The following ZRANB3 variants were observed in gnomAD, a reference collection of about 807,000 sequenced individuals.
ZRANB3 encodes the protein zinc finger RANBP2-type containing 3, also known as DNA annealing helicase and endonuclease ZRANB3.
In ZRANB3, 125 loss-of-function variants were observed where a neutral mutation model predicts 133.8. That is an observed-to-expected ratio of 0.93 (90% CI 0.81 to 1.08). The LOEUF is 1.08. Among genes scored for constraint, ZRANB3 ranks in the 50% least tolerant of loss-of-function variants. ZRANB3 has a pLI of 0.00. For synonymous variants in ZRANB3, 387 were observed against 432.7 expected (o/e 0.89, Z 1.31); for missense variants, 1,229 against 1,275.5 (o/e 0.96, Z 0.56).
At chr2:135,422,929 T>C (rs1026218502) in intron 2 of ZRANB3, among the ~76,000 whole-genome samples, 1 of 152,178 alleles carries the variant, frequency 6.6e-6, no homozygotes, top group Admixed American at 6.5e-5. Flanking sequence ...TAAATTTGTC[T>C]TCTCACAGTT....
intron 2 of ZRANB3, among the ~76,000 whole-genome samples, chr2:135,400,106 A>G (rs1353407130): frequency 6.6e-6 from 1 of 151,802 alleles, no homozygotes; most frequent in South Asian, 2.1e-4. Context: ...CGAGCGTGGA[A>G]GCGGGCTCCT....
intron 6 of ZRANB3, among the ~76,000 whole-genome samples, chr2:135,330,561 G>C (rs1684086866): frequency 6.6e-6 from 1 of 152,136 alleles, no homozygotes; most frequent in Non-Finnish European, 1.5e-5. Flanking sequence ...GATGATGCTG[G>C]CCTCATAAAA....
chr2:135,369,597 A>T (rs1420681227), intron 3 of ZRANB3, among the ~76,000 whole-genome samples: 1 of 152,192 alleles, frequency 6.6e-6, no homozygotes, highest in Non-Finnish European at 1.5e-5. Context: ...AAAGCAATGC[A>T]AGTTTTTTAC....
chr2:135,323,931 G>A (rs901407781), intron 6 of ZRANB3, among the ~76,000 whole-genome samples: 1 of 151,854 alleles, frequency 6.6e-6, no homozygotes, highest in African/African-American at 2.4e-5. Context: ...GCCACCTCCA[G>A]CTAATTTTTA....
chr2:135,458,407 A>C (rs1160587179), intron 2 of ZRANB3, among the ~76,000 whole-genome samples: 2 of 152,094 alleles, frequency 1.3e-5, no homozygotes, highest in African/African-American at 4.8e-5. Flanking sequence ...CAAAAAAAAA[A>C]GGCAACTGGA....
chr2:135,245,043 T>G (rs543803207), intron 12 of ZRANB3, among the ~76,000 whole-genome samples: 40 of 152,312 alleles, frequency 2.6e-4, no homozygotes, highest in African/African-American at 9.6e-4. Flanking sequence ...TTAATAATAT[T>G]GTGAACCAAA....
intron 2 of ZRANB3, among the ~76,000 whole-genome samples, chr2:135,496,486 T>G (rs1692677159): frequency 7.2e-6 from 1 of 139,242 alleles, no homozygotes; most frequent in African/African-American, 2.6e-5. Flanking sequence ...AAATAAACCA[T>G]CACATAAAAC....
Position 135,302,686 on chromosome 2 carries a change from C to T in ZRANB3, c.966+10803G>A, listed in dbSNP as rs989708945. Among the ~76,000 whole-genome samples the T allele has an allele frequency of 1.3e-4, 19 of 151,894 alleles. 1 individual carries two copies. Among genetic ancestry groups the T allele is most frequent in the South Asian group, 4.2e-4 (2 of 4,816 alleles). On this transcript the variant is annotated intron_variant, in intron 8 of 20. Transcript: ENST00000264159. The stretch of plus-strand genomic sequence containing the variant: ...GACTACAGGCACGCACCACCACGCC[C>T]GGCTAATTTTTGTATTTTTAGTAGA...
chr2:135,299,343 A>G (rs537505118), intron 8 of ZRANB3, among the ~76,000 whole-genome samples: 1 of 152,042 alleles, frequency 6.6e-6, no homozygotes, highest in East Asian at 1.9e-4. Context: ...GGCCAGTCTC[A>G]CTCCCACTGT....
At chr2:135,528,835 A>T (rs1194667834) in intron 1 of ZRANB3, among the ~76,000 whole-genome samples, 1 of 151,156 alleles carries the variant, frequency 6.6e-6, no homozygotes, top group Non-Finnish European at 1.5e-5. Flanking sequence ...TACTTTGTAT[A>T]CAAACATCAC....
At position 135,223,878 on chromosome 2, in the gene ZRANB3, C is replaced by T. The variant is rs550482238; in HGVS notation, c.2250+548G>A. ...CTAGGCTTCTGTAAGGATGCTGCTGCTCCTGCTGCTGCAAGTGATCATTGC... is the reference window on the plus strand; with the variant it reads ...CTAGGCTTCTGTAAGGATGCTGCTGTTCCTGCTGCTGCAAGTGATCATTGC... On this transcript the variant is annotated intron_variant, in intron 15 of 20. Transcript: ENST00000264159. 2.1e-3 allele frequency among the ~76,000 whole-genome samples: 317 copies of T among 152,294 alleles called. 4 individuals carry two copies. The highest frequency in any genetic ancestry group is 7.4e-3 in the African/African-American group (308 of 41,566).
At chr2:135,275,230 G>T (rs1424574364) in intron 9 of ZRANB3, among the ~76,000 whole-genome samples, 4 of 108,924 alleles carry the variant, frequency 3.7e-5, no homozygotes, top group Non-Finnish European at 8.2e-5. Flanking sequence ...CCTCCCGGAC[G>T]GGGCGGCTGG....
chr2:135,258,462 C>T (rs1184815177), intron 12 of ZRANB3, among the ~76,000 whole-genome samples: 1 of 152,140 alleles, frequency 6.6e-6, no homozygotes, highest in Non-Finnish European at 1.5e-5. Context: ...GCAAAGCCTG[C>T]TAGCAGGACT....
At chr2:135,307,233 T>G (rs1682751819) in intron 8 of ZRANB3, among the ~76,000 whole-genome samples, 1 of 152,054 alleles carries the variant, frequency 6.6e-6, no homozygotes, top group Admixed American at 6.6e-5. Flanking sequence ...ACTGAGCTAA[T>G]TTTTGCATTT....
chr2:135,394,324 T>C (rs1303211615), intron 2 of ZRANB3, among the ~76,000 whole-genome samples: 1 of 152,054 alleles, frequency 6.6e-6, no homozygotes, highest in Non-Finnish European at 1.5e-5. Context: ...TTAACATAGA[T>C]TCAAGATAGG....
At chr2:135,469,518 C>G (rs1049202517) in intron 2 of ZRANB3, among the ~76,000 whole-genome samples, 10 of 151,836 alleles carry the variant, frequency 6.6e-5, no homozygotes, top group East Asian at 3.9e-4. Flanking sequence ...AAAATATAAC[C>G]ATACTAATGT....
intron 6 of ZRANB3, among the ~76,000 whole-genome samples, chr2:135,341,298 G>C (rs1050994854): frequency 6.7e-6 from 1 of 149,978 alleles, no homozygotes; most frequent in African/African-American, 2.5e-5. Flanking sequence ...ACCCCAAACA[G>C]AGGGACTGGC....
chr2:135,268,187 G>T (rs187674511), intron 11 of ZRANB3, among the ~76,000 whole-genome samples: 7 of 151,226 alleles, frequency 4.6e-5, no homozygotes, highest in South Asian at 2.1e-4. Flanking sequence ...ACAGAGTCTT[G>T]CTCTGTCACC....
At chr2:135,424,487 C>T (rs1688989313) in intron 2 of ZRANB3, among the ~76,000 whole-genome samples, 1 of 152,206 alleles carries the variant, frequency 6.6e-6, no homozygotes, top group African/African-American at 2.4e-5. Flanking sequence ...AATCCCAGCA[C>T]TCTGGGATGC....
Sources: allele counts gnomAD v4.1 joint callset (sites outside exome capture counted in the v4.1 genomes callset), GRCh38; gene constraint gnomAD v4.1.1; transcripts MANE v1.5; gene names NCBI Gene and HGNC (gene_info 2026-07-23, HGNC 2026-07-21).